FANCL: variants seen among roughly 807,000 people sequenced by gnomAD.
The protein encoded by FANCL is E3 ubiquitin-protein ligase FANCL.
FANCL carries 69 observed loss-of-function variants against 59.4 expected under a neutral mutation model. The observed-to-expected ratio is 1.16, with a 90% CI of 0.96 to 1.42. The LOEUF (loss-of-function observed/expected upper bound fraction) is 1.42, where lower values mean the gene tolerates loss of function less well. FANCL is among the 40% of genes most tolerant of loss of function. FANCL has a pLI of 0.00. For missense variants in FANCL, 519 were observed against 447.2 expected (o/e 1.16, Z -1.45); for synonymous variants, 180 against 147.1 (o/e 1.22, Z -1.62).
At position 58,159,629 on chromosome 2, in the gene FANCL, A is replaced by T; in HGVS notation, c.*136T>A. Reference sequence around the variant, plus strand: ...AGTGAAGAGACAAACGCAGATGTTTATTATTATCGCATCATCATACCTGTC... The same window carrying T: ...AGTGAAGAGACAAACGCAGATGTTTTTTATTATCGCATCATCATACCTGTC... On this transcript the variant is annotated 3_prime_UTR_variant, in exon 14 of 14. Transcript: ENST00000233741. 2 of 1,613,826 alleles carry T rather than the reference A, an allele frequency of 1.2e-6. No homozygotes were observed. Among genetic ancestry groups the T allele is most frequent in the South Asian group, 1.1e-5 (1 of 91,072 alleles).
intron 7 of FANCL, among the ~76,000 whole-genome samples, chr2:58,170,618 G>A (rs893094876): frequency 6.6e-6 from 1 of 150,526 alleles, no homozygotes; most frequent in Non-Finnish European, 1.5e-5. Flanking sequence ...GTATTCAGGA[G>A]ATCCATCTCA....
intron 4 of FANCL, among the ~76,000 whole-genome samples, chr2:58,223,868 T>C (rs1175473304): frequency 2.0e-5 from 3 of 151,972 alleles, no homozygotes; most frequent in Admixed American, 6.5e-5. Context: ...TAACTACTGA[T>C]TTCATGTGAG....
chr2:58,203,999 AAAATCAATGTTTT>A, intron 6 of FANCL, 118 bp downstream of exon 6: 1 of 776,434 alleles, frequency 1.3e-6, no homozygotes, highest in South Asian at 1.5e-5. Flanking sequence ...GAGGCTTTCC[AAAATCAATGTTTT>A]AAAGCATGAT....
intron 6 of FANCL, among the ~76,000 whole-genome samples, chr2:58,203,562 T>C (rs961149656): frequency 2.0e-5 from 3 of 152,052 alleles, no homozygotes; most frequent in African/African-American, 7.2e-5. Flanking sequence ...ACAACCATGT[T>C]TTGTGCCAAT....
At chr2:58,235,819 C>G (rs1431668178) in intron 1 of FANCL, among the ~76,000 whole-genome samples, 1 of 151,918 alleles carries the variant, frequency 6.6e-6, no homozygotes, top group East Asian at 1.9e-4. Flanking sequence ...TAAATAAAGA[C>G]TCCCTCAAAA....
At position 58,170,694 on chromosome 2, in the gene FANCL, C is replaced by CAA. The variant is rs145444832; in HGVS notation, c.541-4822_541-4821dup. On this transcript the variant is annotated intron_variant, in intron 7 of 13. Transcript: ENST00000233741. Reference sequence around the variant, plus strand: ...GAATATTTACCAAGCAAATGGAAAGCAAAAAAAAAAAAAAGCATGGTTTGC... The same window carrying CAA: ...GAATATTTACCAAGCAAATGGAAAGCAAAAAAAAAAAAAAAAGCATGGTTTGC... Among the ~76,000 whole-genome samples, 974 of 97,930 alleles carry CAA rather than the reference C, an allele frequency of 9.9e-3. 21 individuals are homozygous for CAA. Among genetic ancestry groups the CAA allele is most frequent in the African/African-American group, 0.031 (901 of 29,362 alleles). 64.2% of individuals were successfully genotyped at this position (97,930 alleles called of 152,430 possible). A position where few individuals can be genotyped will look rare whatever the true frequency, so the allele number is the denominator to read the frequency against.
At chr2:58,240,974 G>A (rs1176544373) in intron 1 of FANCL, among the ~76,000 whole-genome samples, 1 of 152,204 alleles carries the variant, frequency 6.6e-6, no homozygotes, top group Non-Finnish European at 1.5e-5. Flanking sequence ...TAGGGAGAGA[G>A]GAGGCGTGGC....
chr2:58,175,554 T>C (rs182680821), intron 7 of FANCL, among the ~76,000 whole-genome samples: 2,985 of 152,186 alleles, frequency 0.02, 110 homozygotes, highest in African/African-American at 0.068. Context: ...TCTCAATAGA[T>C]GCAGATAAGG....
intron 3 of FANCL, among the ~76,000 whole-genome samples, chr2:58,228,503 T>C (rs1321829917): frequency 6.6e-6 from 1 of 152,232 alleles, no homozygotes; most frequent in Non-Finnish European, 1.5e-5. Flanking sequence ...AATACTGTTT[T>C]TGTAAACAAA....
intron 5 of FANCL, among the ~76,000 whole-genome samples, chr2:58,217,089 T>C (rs1055649736): frequency 2.1e-5 from 3 of 141,724 alleles, no homozygotes; most frequent in African/African-American, 7.7e-5. Flanking sequence ...ATACAGGACT[T>C]TGAAAAAAAT....
At chr2:58,226,698 AAC>A (rs780648809) in intron 4 of FANCL, 28 bp downstream of exon 4, 3 of 1,543,916 alleles carry the variant, frequency 1.9e-6, no homozygotes, top group African/African-American at 2.7e-5. Flanking sequence ...GCAGTATGGT[AAC>A]AGTGTCAGAA....
intron 7 of FANCL, among the ~76,000 whole-genome samples, chr2:58,177,459 G>A (rs867296508): frequency 6.6e-6 from 1 of 151,844 alleles, no homozygotes; most frequent in Admixed American, 6.6e-5. Context: ...CCATAAAAAA[G>A]GATGAGTTCA....
intron 6 of FANCL, among the ~76,000 whole-genome samples, chr2:58,199,151 G>GT (rs1227064053): frequency 3.3e-5 from 5 of 151,988 alleles, no homozygotes; most frequent in Admixed American, 1.3e-4. Context: ...CTTATTTATA[G>GT]TCAACCTATG....
chr2:58,172,799 C>T (rs1325625493), intron 7 of FANCL, among the ~76,000 whole-genome samples: 10 of 152,162 alleles, frequency 6.6e-5, no homozygotes, highest in Admixed American at 2.0e-4. Flanking sequence ...ATGACTTTGA[C>T]GAGTTGAGAG....
intron 7 of FANCL, among the ~76,000 whole-genome samples, chr2:58,180,578 G>A (rs1425056749): frequency 6.6e-6 from 1 of 151,962 alleles, no homozygotes; most frequent in Non-Finnish European, 1.5e-5. Flanking sequence ...ACTAGGTGAG[G>A]GATAGTATTA....
At chr2:58,184,047 CTGTT>C (rs988129800) in intron 7 of FANCL, among the ~76,000 whole-genome samples, 1 of 151,952 alleles carries the variant, frequency 6.6e-6, no homozygotes, top group Non-Finnish European at 1.5e-5. Flanking sequence ...CTAAATATAA[CTGTT>C]TGAAAATCCA....
intron 5 of FANCL, 135 bp downstream of exon 5, chr2:58,221,807 A>G (rs528173427): frequency 3.1e-6 from 2 of 643,920 alleles, no homozygotes; most frequent in Non-Finnish European, 5.4e-6. Context: ...ATTCACAGCA[A>G]CAATAAGGAT....
chr2:58,212,965 C>A (rs1044059628), intron 5 of FANCL, among the ~76,000 whole-genome samples: 1 of 152,152 alleles, frequency 6.6e-6, no homozygotes, highest in African/African-American at 2.4e-5. Flanking sequence ...ATTTCTTTTT[C>A]TTTTCCAACT....
intron 7 of FANCL, among the ~76,000 whole-genome samples, chr2:58,189,381 G>A (rs1303771258): frequency 1.3e-5 from 2 of 151,968 alleles, no homozygotes; most frequent in Non-Finnish European, 2.9e-5. Context: ...TCAACAATTA[G>A]GAACTTAAAA....
Sources: gnomAD v4.1 joint callset for allele counts (sites outside exome capture counted in the v4.1 genomes callset) on GRCh38, gnomAD v4.1.1 for gene constraint, MANE v1.5 for transcripts, NCBI Gene and HGNC (gene_info 2026-07-23, HGNC 2026-07-21) for gene names.